Variants in SPEF2 observed in about 807,000 individuals in gnomAD.
The protein encoded by SPEF2 is sperm flagellar and cilia associated 2.
SPEF2 carries 187 observed loss-of-function variants against 224.6 expected under a neutral mutation model. That is an observed-to-expected ratio of 0.83 (90% confidence interval 0.74 to 0.94). The LOEUF (loss-of-function observed/expected upper bound fraction) is 0.94, where lower values mean the gene tolerates loss of function less well. Ranked by LOEUF, SPEF2 falls within the 40% of genes least tolerant of loss-of-function variation. The pLI, the probability that SPEF2 is intolerant of heterozygous loss-of-function variation, is 0.00. For synonymous variants in SPEF2, 715 were observed against 707.3 expected (o/e 1.01, Z -0.17); for missense variants, 2,170 against 2,135.6 (o/e 1.02, Z -0.32).
chr5:35,712,781 CA>C, intron 19 of SPEF2, 30 bp from the exon 20 acceptor site: 1 of 1,595,536 alleles, frequency 6.3e-7, no homozygotes, highest in Non-Finnish European at 8.6e-7. Flanking sequence ...AGTAAATCAT[CA>C]ATGATTTTTG....
rs1383784681 is a variant in SPEF2 at position 35,799,902 on chromosome 5, T to C, written c.4831-66T>C. 5 of 1,562,360 alleles carry C rather than the reference T, an allele frequency of 3.2e-6. No homozygotes were observed. In the African/African-American group the frequency reaches 4.1e-5, roughly 13 times the overall value. On this transcript the variant is annotated intron_variant, in intron 33 of 36. Transcript: ENST00000356031. ...CCAAAGCTCCTGGGGAGATTCTTCA[T>C]TGCATGACTAACTACTGACTATGAG...
rs1194901439 is a variant in SPEF2 at position 35,776,581 on chromosome 5, C to G, written c.4217+186C>G. On this transcript the variant is annotated intron_variant, in intron 29 of 36. Coordinates refer to ENST00000356031, the MANE Select transcript of SPEF2 (RefSeq NM_024867.4). ...CATGTTTGTATTAACTCTTTTCTAA[C>G]AGTAAATCATGCATCAAAGGGTTCT... Among the ~76,000 whole-genome samples the G allele has an allele frequency of 3.3e-5, 5 of 152,220 alleles. No individual in the cohort carries two copies. In the East Asian group the frequency reaches 7.7e-4, roughly 23 times the overall value.
At chr5:35,811,099 A>AT (rs1554063126) in intron 36 of SPEF2, among the ~76,000 whole-genome samples, 14 of 151,272 alleles carry the variant, frequency 9.3e-5, no homozygotes, top group South Asian at 2.1e-4. Flanking sequence ...CTAAAAAAAA[A>AT]AATAATAAAT....
intron 36 of SPEF2, chr5:35,808,103 A>G (rs549257388): frequency 6.0e-6 from 6 of 1,005,882 alleles, no homozygotes; most frequent in African/African-American, 1.7e-5. Flanking sequence ...TTTTCTTCCT[A>G]TACCCACAAA....
intron 23 of SPEF2, among the ~76,000 whole-genome samples, chr5:35,750,654 A>G (rs373748980): frequency 1.9e-4 from 29 of 152,118 alleles, no homozygotes; most frequent in East Asian, 7.7e-4. Context: ...ATACCACCTT[A>G]CTCCTGCAAG....
intron 30 of SPEF2, chr5:35,790,098 A>G: frequency 1.4e-6 from 1 of 702,932 alleles, no homozygotes; most frequent in Non-Finnish European, 2.6e-6. Flanking sequence ...AAATATCCTG[A>G]CACTAGTCGA....
intron 15 of SPEF2, chr5:35,700,170 A>G (rs1738309796): frequency 4.1e-6 from 1 of 244,028 alleles, no homozygotes; most frequent in African/African-American, 2.2e-5. Flanking sequence ...AAGACCAATT[A>G]AATCTCTTTC....
At chr5:35,697,598 G>A in intron 14 of SPEF2, 92 bp from the exon 15 acceptor site, 10 of 971,890 alleles carry the variant, frequency 1.0e-5, no homozygotes, top group South Asian at 9.4e-5. Flanking sequence ...CATCATCAGA[G>A]AGCCTGGTCA....
At chr5:35,691,922 C>T (rs1229094628) in intron 11 of SPEF2, among the ~76,000 whole-genome samples, 1 of 151,986 alleles carries the variant, frequency 6.6e-6, no homozygotes, top group African/African-American at 2.4e-5. Flanking sequence ...GCCTCAGCCT[C>T]CTGAGTAGCT....
At chr5:35,685,384 A>G (rs1041454887) in intron 10 of SPEF2, among the ~76,000 whole-genome samples, 4 of 152,152 alleles carry the variant, frequency 2.6e-5, no homozygotes, top group African/African-American at 9.7e-5. Flanking sequence ...AAAGTTGACA[A>G]CTTATATTCT....
At chr5:35,634,620 C>A (rs1473104646) in intron 2 of SPEF2, among the ~76,000 whole-genome samples, 1 of 152,202 alleles carries the variant, frequency 6.6e-6, no homozygotes, top group East Asian at 1.9e-4. Context: ...CCATATCATT[C>A]TCCAATTATG....
chr5:35,728,818 G>A (rs1745113906), intron 21 of SPEF2, among the ~76,000 whole-genome samples: 1 of 151,860 alleles, frequency 6.6e-6, no homozygotes, highest in South Asian at 2.1e-4. Context: ...TAATTATGGA[G>A]GTATGTAATT....
At chr5:35,808,881 C>CAT (rs34389759) in intron 36 of SPEF2, among the ~76,000 whole-genome samples, 6,576 of 143,248 alleles carry the variant, frequency 0.046, 317 homozygotes, top group African/African-American at 0.12. Context: ...TTGGGTTTTA[C>CAT]ATATATATAT....
intron 16 of SPEF2, among the ~76,000 whole-genome samples, chr5:35,701,350 A>C (rs146025477): frequency 6.6e-6 from 1 of 152,280 alleles, no homozygotes; most frequent in African/African-American, 2.4e-5. Flanking sequence ...GACCTTGAGA[A>C]AGTTACCTTA....
chr5:35,740,489 G>C (rs558734750), intron 23 of SPEF2, among the ~76,000 whole-genome samples: 3 of 152,158 alleles, frequency 2.0e-5, no homozygotes. Flanking sequence ...GCCAAAGTCC[G>C]CACTGCGAGA....
chr5:35,672,117 A>G (rs779693294), intron 10 of SPEF2, among the ~76,000 whole-genome samples: 29 of 151,402 alleles, frequency 1.9e-4, no homozygotes, highest in Non-Finnish European at 4.3e-4. Context: ...CAGCGGAACA[A>G]TGCATCCTGG....
chr5:35,810,826 T>C (rs1322095332), intron 36 of SPEF2, among the ~76,000 whole-genome samples: 1 of 152,166 alleles, frequency 6.6e-6, no homozygotes, highest in African/African-American at 2.4e-5. Context: ...GAGAGTTAGT[T>C]AGTGAGTTAG....
At chr5:35,686,149 T>C (rs1753579814) in intron 10 of SPEF2, among the ~76,000 whole-genome samples, 1 of 152,038 alleles carries the variant, frequency 6.6e-6, no homozygotes, top group Non-Finnish European at 1.5e-5. Context: ...TGAGATACAA[T>C]TTTGAGGAGA....
chr5:35,719,040 C>G (rs941404883), intron 20 of SPEF2, among the ~76,000 whole-genome samples: 1 of 152,196 alleles, frequency 6.6e-6, no homozygotes, highest in Non-Finnish European at 1.5e-5. Context: ...CTTTGGTTAG[C>G]TGCCTTGGTC....
Sources: allele counts gnomAD v4.1 joint callset (sites outside exome capture counted in the v4.1 genomes callset), GRCh38; gene constraint gnomAD v4.1.1; transcripts MANE v1.5; gene names NCBI Gene and HGNC (gene_info 2026-07-23, HGNC 2026-07-21).